PREX1: variants seen among roughly 807,000 people sequenced by gnomAD.
PREX1 encodes the protein phosphatidylinositol 3,4,5-trisphosphate-dependent Rac exchanger 1 protein.
In PREX1, 41 loss-of-function variants were observed where a neutral mutation model predicts 198.3. The observed-to-expected ratio is 0.21, with a 90% confidence interval of 0.16 to 0.27. The LOEUF (loss-of-function observed/expected upper bound fraction) is 0.27. PREX1 is among the 10% of genes least tolerant of loss of function. PREX1 has a pLI of 1.00. For missense variants in PREX1, 1,620 were observed against 2,200.7 expected, an observed-to-expected ratio of 0.74 and a Z score of 5.28; for synonymous variants, 843 against 887.2, an observed-to-expected ratio of 0.95 and a Z score of 0.89.
intron 1 of PREX1, among the ~76,000 whole-genome samples, chr20:48,798,136 C>T (rs1301127429): frequency 6.6e-6 from 1 of 152,114 alleles, no homozygotes; most frequent in Non-Finnish European, 1.5e-5. Context: ...TCAAGTCTGC[C>T]GCATCTATCC....
intron 14 of PREX1, among the ~76,000 whole-genome samples, chr20:48,670,868 C>A (rs889955200): frequency 4.6e-5 from 7 of 152,140 alleles, no homozygotes; most frequent in African/African-American, 1.4e-4. Context: ...GTGTGCCCTG[C>A]GGCAAGTTAC....
At chr20:48,647,414 G>C (rs2089459628) in intron 25 of PREX1, among the ~76,000 whole-genome samples, 1 of 151,840 alleles carries the variant, frequency 6.6e-6, no homozygotes, top group South Asian at 2.1e-4. Flanking sequence ...CCAGCTACTT[G>C]GGAGGCTGAG....
intron 1 of PREX1, among the ~76,000 whole-genome samples, chr20:48,798,052 G>A (rs557523877): frequency 3.7e-4 from 57 of 152,292 alleles, no homozygotes; most frequent in African/African-American, 7.2e-4. Flanking sequence ...AAGAAGTCAC[G>A]TAAGTCAATC....
rs1251628605 is a variant in PREX1, at chr20:48,747,927, T to C, written c.220-47A>G. On this transcript the variant is annotated intron_variant, in intron 1 of 39. Coordinates refer to ENST00000371941, the MANE Select transcript of PREX1 (RefSeq NM_020820.4). ...AGGTGAGTGTCCGCGTCTCCAGCTC[T>C]CCCATGGACGGCCCTACAGAAGGCT... 17 of 1,538,966 alleles carry C rather than the reference T, an allele frequency of 1.1e-5. No individual in the cohort carries two copies. In the Admixed American group the frequency reaches 3.0e-4, roughly 27 times the overall value.
At chr20:48,843,746 G>A in the PREX1 span, among the ~76,000 whole-genome samples, 1 of 152,176 alleles carries the variant, frequency 6.6e-6, no homozygotes, top group African/African-American at 2.4e-5. Flanking sequence ...GAGGCATGGA[G>A]TTTGGACAGC....
chr20:48,806,142 CA>C (rs1172088158), intron 1 of PREX1, among the ~76,000 whole-genome samples: 2 of 152,178 alleles, frequency 1.3e-5, no homozygotes, highest in African/African-American at 4.8e-5. Flanking sequence ...CCAGTTGTGA[CA>C]ACCAAAAATA....
intron 16 of PREX1, among the ~76,000 whole-genome samples, chr20:48,658,706 C>T (rs566434860): frequency 4.6e-5 from 7 of 152,204 alleles, no homozygotes; most frequent in African/African-American, 1.7e-4. Context: ...CAACTATAAA[C>T]AAATAAACAA....
At chr20:48,793,887 T>C (rs535508013) in intron 1 of PREX1, among the ~76,000 whole-genome samples, 1 of 152,258 alleles carries the variant, frequency 6.6e-6, no homozygotes, top group African/African-American at 2.4e-5. Flanking sequence ...GAAACCATTC[T>C]GGGTTTTCTA....
chr20:48,806,023 G>C (rs1295632385), intron 1 of PREX1, among the ~76,000 whole-genome samples: 2 of 152,312 alleles, frequency 1.3e-5, no homozygotes, highest in East Asian at 3.9e-4. Context: ...TTGGGGCCAG[G>C]TAATACTGTG....
chr20:48,706,704 TGA>T (rs978990974), intron 6 of PREX1, among the ~76,000 whole-genome samples: 7 of 152,162 alleles, frequency 4.6e-5, no homozygotes, highest in Admixed American at 3.3e-4. Context: ...AAGGCTGAGA[TGA>T]GAGTCTTCGA....
At chr20:48,645,772 T>C (rs2089445938) in intron 26 of PREX1, 79 bp downstream of exon 26, 9 of 1,480,952 alleles carry the variant, frequency 6.1e-6, no homozygotes, top group African/African-American at 1.4e-5. Flanking sequence ...CCACTGATTC[T>C]GATGTTGCCA....
At chr20:48,821,059 G>A (rs769171648) in intron 1 of PREX1, among the ~76,000 whole-genome samples, 8 of 152,256 alleles carry the variant, frequency 5.3e-5, no homozygotes, top group Non-Finnish European at 1.0e-4. Context: ...AAAAGTAGCC[G>A]GGCATGGTGG....
intron 39 of PREX1, among the ~76,000 whole-genome samples, chr20:48,627,317 C>T (rs145444482): frequency 6.6e-5 from 10 of 151,234 alleles, no homozygotes; most frequent in African/African-American, 2.4e-4. Flanking sequence ...GGGAGGATCT[C>T]ATAGAGTCAC....
At chr20:48,708,039 G>T (rs2089911628) in intron 6 of PREX1, among the ~76,000 whole-genome samples, 1 of 152,214 alleles carries the variant, frequency 6.6e-6, no homozygotes. Context: ...CTATTTCCAT[G>T]AGATATAGGG....
chr20:48,808,684 C>A (rs2090422376), intron 1 of PREX1, among the ~76,000 whole-genome samples: 2 of 152,236 alleles, frequency 1.3e-5, no homozygotes, highest in South Asian at 2.1e-4. Context: ...AAAGCCCTTA[C>A]AATGGCCCTC....
chr20:48,867,075 G>C, the PREX1 span, among the ~76,000 whole-genome samples: 1 of 152,160 alleles, frequency 6.6e-6, no homozygotes, highest in Non-Finnish European at 1.5e-5. Context: ...AGGAAGAAAA[G>C]GGAACCTCCC....
At chr20:48,821,759 A>G (rs1387680782) in intron 1 of PREX1, 3 of 152,320 alleles carry the variant, frequency 2.0e-5, no homozygotes, top group Non-Finnish European at 2.9e-5. Flanking sequence ...GGCCTGATAA[A>G]GGAGTATCTT....
chr20:48,731,399 C>T (rs2090034163), intron 4 of PREX1, among the ~76,000 whole-genome samples: 1 of 152,194 alleles, frequency 6.6e-6, no homozygotes, highest in East Asian at 1.9e-4. Context: ...CATTGAAGTT[C>T]CCCCGACTAG....
At chr20:48,782,867 A>G (rs1033175701) in intron 1 of PREX1, among the ~76,000 whole-genome samples, 1 of 152,188 alleles carries the variant, frequency 6.6e-6, no homozygotes, top group African/African-American at 2.4e-5. Flanking sequence ...GAAGAAGTGA[A>G]CAGGCGAGTG....
Sources: gnomAD v4.1 joint callset for allele counts (sites outside exome capture counted in the v4.1 genomes callset) on GRCh38, gnomAD v4.1.1 for gene constraint, MANE v1.5 for transcripts, NCBI Gene and HGNC (gene_info 2026-07-23, HGNC 2026-07-21) for gene names.